Variants in ZNF623 observed in about 807,000 individuals in gnomAD.
The protein encoded by ZNF623 is zinc finger protein 623.
A neutral mutation model predicts 24.0 loss-of-function variants in ZNF623; 16 were observed. The ratio of observed to expected loss-of-function variants is 0.67; its 90% CI spans 0.45 to 1.01. ZNF623 has a LOEUF of 1.01. Ranked by LOEUF, ZNF623 falls within the 50% of genes least tolerant of loss-of-function variation. ZNF623 has a pLI of 0.00. For synonymous variants in ZNF623, 224 were observed against 219.8 expected, an observed-to-expected ratio of 1.02 and a Z score of -0.17; for missense variants, 566 against 606.5, an observed-to-expected ratio of 0.93 and a Z score of 0.70.
Position 143,651,417 on chromosome 8 carries a change from G to C in ZNF623, c.1425G>C (p.Leu475Phe), listed in dbSNP as rs1366169687. 6.2e-7 allele frequency: 1 copy of C among 1,612,986 alleles called. No homozygotes were observed. The highest frequency in any genetic ancestry group is 2.2e-5 in the East Asian group (1 of 44,884). The change falls in exon 2 of 2, where the codon TTG becomes TTC. Residue 475 changes from leucine to phenylalanine, a missense_variant. By Grantham distance (22) the Leu-to-Phe change is conservative. Transcript: ENST00000526926. ...GGGTTCACCAAGAGGGACTCTCCTT[G>C]AGTAAGGCCCCCATACATTTGGGTG... ...NQRVHQEGLS[L>F]SKAPIHLGER...
chr8:143,639,520 G>T (rs1815002750), intron 1 of ZNF623, among the ~76,000 whole-genome samples: 1 of 152,094 alleles, frequency 6.6e-6, no homozygotes, highest in African/African-American at 2.4e-5. Context: ...CACTGCATCT[G>T]GCCTGTCTTT....
chr8:143,638,687 G>T (rs1218475615), intron 1 of ZNF623, among the ~76,000 whole-genome samples: 1 of 151,768 alleles, frequency 6.6e-6, no homozygotes, highest in African/African-American at 2.4e-5. Context: ...GCAGGGAGGT[G>T]GAGATTGCAG....
intron 1 of ZNF623, among the ~76,000 whole-genome samples, chr8:143,645,192 C>T (rs1373807417): frequency 6.6e-6 from 1 of 151,518 alleles, no homozygotes; most frequent in East Asian, 2.0e-4. Context: ...GCCTGTAATC[C>T]CAGCACTTTG....
At chr8:143,636,295 G>A (rs1485295693) in intron 1 of ZNF623, 150 bp downstream of exon 1, 2 of 152,180 alleles carry the variant, frequency 1.3e-5, no homozygotes, top group Non-Finnish European at 1.5e-5. Context: ...GCGTCCAGGA[G>A]CGGGGCCTTG....
In ZNF623 at chr8:143,651,390, A is replaced by G. The variant is rs748646686; in HGVS notation, c.1398A>G (p.Gln466=). The part of the protein sequence containing the change: ...FNSTTNVKNN[Q]RVHQEGLSLS... ...CAACTACAAACGTTAAAAATAATCAAAGGGTTCACCAAGAGGGACTCTCCT... is the reference window on the plus strand; with the variant it reads ...CAACTACAAACGTTAAAAATAATCAGAGGGTTCACCAAGAGGGACTCTCCT... The change falls in exon 2 of 2, where the codon CAA becomes CAG. Residue 466 remains glutamine, a synonymous_variant. Coordinates refer to ENST00000526926, the MANE Select transcript of ZNF623 (RefSeq NM_001261843.2). 8.7e-6 allele frequency: 14 copies of G among 1,614,072 alleles called. No individual in the cohort carries two copies. Among genetic ancestry groups the G allele is most frequent in the Admixed American group, 8.3e-5 (5 of 60,010 alleles).
At chr8:143,639,114 A>C (rs1329344989) in intron 1 of ZNF623, among the ~76,000 whole-genome samples, 3 of 151,820 alleles carry the variant, frequency 2.0e-5, no homozygotes, top group African/African-American at 7.3e-5. Context: ...CTGGTCTCGA[A>C]CTCCTGACCT....
chr8:143,650,618 T>TA lies in ZNF623; in HGVS notation c.627dup (p.Leu210ThrfsTer15). 1 of 1,612,796 alleles carries TA rather than the reference T, an allele frequency of 6.2e-7. No individual in the cohort carries two copies. Among genetic ancestry groups the TA allele is most frequent in the Non-Finnish European group, 8.5e-7 (1 of 1,179,644 alleles). Reference sequence around the variant, plus strand: ...GGGAAAGGCTTCAGTCAGAGCTCCTTACTTATTCGCCATCAGAGGATTCAC... The same window carrying TA: ...GGGAAAGGCTTCAGTCAGAGCTCCTTAACTTATTCGCCATCAGAGGATTCAC... On this transcript the variant is annotated frameshift_variant, in exon 2 of 2. Transcript: ENST00000526926. LOFTEE classifies it high-confidence loss of function. This position sits in a 1 kb window ranked among gnomAD's most constrained non-coding sequence, Gnocchi z 5.2.
At chr8:143,637,114 C>T (rs556575301) in intron 1 of ZNF623, among the ~76,000 whole-genome samples, 1 of 152,354 alleles carries the variant, frequency 6.6e-6, no homozygotes, top group African/African-American at 2.4e-5. Context: ...GGGCAGTTGA[C>T]AGCTGGCTCC....
chr8:143,644,087 C>A (rs187389727), intron 1 of ZNF623, among the ~76,000 whole-genome samples: 1 of 152,284 alleles, frequency 6.6e-6, no homozygotes, highest in Admixed American at 6.5e-5. Context: ...GTGTTGTGAT[C>A]TCTGCTTACT....
chr8:143,649,284 A>AAG (rs1734171515), intron 1 of ZNF623, among the ~76,000 whole-genome samples: 3 of 147,272 alleles, frequency 2.0e-5, no homozygotes, highest in African/African-American at 5.4e-5. Context: ...TCTAAAAAAA[A>AAG]AAAAAACAAA....
At position 143,653,316 on chromosome 8, in the gene ZNF623, G is replaced by C. The variant is rs1815382336; in HGVS notation, c.*1833G>C. 6.0e-6 allele frequency: 1 copy of C among 166,960 alleles called. No homozygotes were observed. The highest frequency in any genetic ancestry group is 1.5e-5 in the Non-Finnish European group (1 of 68,096). The allele number at this position is 166,960 out of a possible 1,614,324, so 10.3% of individuals were successfully genotyped here. A position where few individuals can be genotyped will look rare whatever the true frequency, so the allele number is the denominator to read the frequency against. On this transcript the variant is annotated 3_prime_UTR_variant, in exon 2 of 2. Coordinates refer to ENST00000526926, the MANE Select transcript of ZNF623 (RefSeq NM_001261843.2). Reference sequence around the variant, plus strand: ...TGAGTTCTTAAATACTACCAACCCTGAACGTCTCAGGACAAATAATTCAAA... The same window carrying C: ...TGAGTTCTTAAATACTACCAACCCTCAACGTCTCAGGACAAATAATTCAAA...
intron 1 of ZNF623, among the ~76,000 whole-genome samples, chr8:143,639,594 G>A (rs1815004599): frequency 6.6e-6 from 1 of 151,898 alleles, no homozygotes; most frequent in East Asian, 1.9e-4. Flanking sequence ...AGCTCAAGCA[G>A]TCTACCTGCC....
chr8:143,648,273 A>C (rs973048043), intron 1 of ZNF623, among the ~76,000 whole-genome samples: 1 of 152,178 alleles, frequency 6.6e-6, no homozygotes, highest in Non-Finnish European at 1.5e-5. Flanking sequence ...CGGGTAGGGA[A>C]CAGAGAAAGG....
intron 1 of ZNF623, among the ~76,000 whole-genome samples, chr8:143,640,612 T>C (rs528731243): frequency 2.6e-4 from 40 of 152,180 alleles, no homozygotes; most frequent in Non-Finnish European, 4.6e-4. Flanking sequence ...GCAGATTCCA[T>C]GTCAAGAAGC....
intron 1 of ZNF623, among the ~76,000 whole-genome samples, chr8:143,636,659 C>T (rs1814931126): frequency 6.6e-6 from 1 of 152,182 alleles, no homozygotes; most frequent in African/African-American, 2.4e-5. Context: ...CCAGCATCTT[C>T]TGTGCTGTTG....
At chr8:143,647,155 T>TG (rs1405016641) in intron 1 of ZNF623, among the ~76,000 whole-genome samples, 9 of 136,290 alleles carry the variant, frequency 6.6e-5, no homozygotes, top group East Asian at 5.2e-4. Flanking sequence ...CTGTTTTTTT[T>TG]TTTTTTGTTT....
At chr8:143,649,559 G>A (rs938111015) in intron 1 of ZNF623, 6 of 350,116 alleles carry the variant, frequency 1.7e-5, no homozygotes, top group Non-Finnish European at 2.6e-5. Context: ...GTGTTTATAC[G>A]TTTGTTTAAA....
chr8:143,636,811 C>T (rs1563695566), intron 1 of ZNF623, among the ~76,000 whole-genome samples: 1 of 152,216 alleles, frequency 6.6e-6, no homozygotes, highest in Admixed American at 6.5e-5. Context: ...CCCTTCGCGT[C>T]TTTAAGAATC....
chr8:143,643,878 A>C (rs1815114423), intron 1 of ZNF623, among the ~76,000 whole-genome samples: 1 of 152,150 alleles, frequency 6.6e-6, no homozygotes, highest in South Asian at 2.1e-4. Context: ...TTAGGGTGTT[A>C]GAATGTTGCT....
Sources: allele counts gnomAD v4.1 joint callset (sites outside exome capture counted in the v4.1 genomes callset), GRCh38; gene constraint gnomAD v4.1.1; non-coding constraint Gnocchi (gnomAD v3.1); transcripts MANE v1.5; gene names NCBI Gene and HGNC (gene_info 2026-07-23, HGNC 2026-07-21).